The following HDC variants were observed in gnomAD, a reference collection of about 807,000 sequenced individuals.
HDC encodes histidine decarboxylase.
In HDC, 27 loss-of-function variants were observed where a neutral mutation model predicts 64.4. That is an observed-to-expected ratio of 0.42 (90% CI 0.31 to 0.58). HDC has a LOEUF of 0.58. Ranked by LOEUF, HDC falls within the 20% of genes least tolerant of loss-of-function variation. The pLI, the probability that HDC is intolerant of heterozygous loss-of-function variation, is 0.16. For synonymous variants in HDC, 305 were observed against 314.2 expected (o/e 0.97, Z 0.31); for missense variants, 711 against 833.9 (o/e 0.85, Z 1.81).
chr15:50,264,427 A>C (rs994929944), intron 1 of HDC, among the ~76,000 whole-genome samples: 1 of 151,802 alleles, frequency 6.6e-6, no homozygotes, highest in Non-Finnish European at 1.5e-5. Flanking sequence ...CTCCATCAAC[A>C]CCTCAGTGCT....
chr15:50,250,031 G>A (rs2045533701), intron 9 of HDC, among the ~76,000 whole-genome samples: 1 of 152,186 alleles, frequency 6.6e-6, no homozygotes. Flanking sequence ...TCCTTGCAGG[G>A]CTCCCTTGCC....
chr15:50,244,795 G>A (rs983524006), intron 10 of HDC: 4 of 152,276 alleles, frequency 2.6e-5, no homozygotes, highest in Admixed American at 1.3e-4. Context: ...TATTGATGCC[G>A]AACTTAGTGC....
intron 2 of HDC, among the ~76,000 whole-genome samples, chr15:50,261,999 G>A (rs753824776): frequency 4.6e-5 from 7 of 152,196 alleles, no homozygotes; most frequent in South Asian, 2.1e-4. Context: ...GTGAGCCCCC[G>A]CGCCTGGCCT....
At chr15:50,256,619 C>G (rs1376378514) in intron 4 of HDC, among the ~76,000 whole-genome samples, 1 of 152,128 alleles carries the variant, frequency 6.6e-6, no homozygotes, top group Non-Finnish European at 1.5e-5. Context: ...CTCCTGGGCT[C>G]AAGTGATCCA....
At chr15:50,264,407 C>T (rs544832180) in intron 1 of HDC, among the ~76,000 whole-genome samples, 5 of 152,256 alleles carry the variant, frequency 3.3e-5, no homozygotes, top group African/African-American at 1.2e-4. Flanking sequence ...CTTTCTCTCC[C>T]TCCTGCTGCC....
chr15:50,255,052 TC>T (rs1276500987), intron 4 of HDC, among the ~76,000 whole-genome samples: 1 of 152,090 alleles, frequency 6.6e-6, no homozygotes, highest in Non-Finnish European at 1.5e-5. Flanking sequence ...GGAGTTTGAG[TC>T]CCCAGGAAGA....
intron 2 of HDC, among the ~76,000 whole-genome samples, chr15:50,259,312 A>G (rs1254326003): frequency 2.0e-5 from 3 of 152,210 alleles, no homozygotes; most frequent in Non-Finnish European, 2.9e-5. Flanking sequence ...GAATGGGTTC[A>G]AAGCTGTCCT....
At chr15:50,257,699 T>C in intron 3 of HDC, 152 bp from the exon 4 acceptor site, 1 of 841,150 alleles carries the variant, frequency 1.2e-6, no homozygotes, top group East Asian at 2.5e-5. Flanking sequence ...CCTGGTCCAC[T>C]CTCTGTCAAC....
Position 50,257,421 on chromosome 15 carries a change from G to A in HDC, c.441+4C>T, listed in dbSNP as rs752857595. On this transcript the variant is annotated splice_donor_region_variant and intron_variant, in intron 4 of 11. Transcript: ENST00000267845. ...GCTAGGTGAAGCTTTGCCAAGGGAG[G>A]TACCTGCAGGACGCCTCCGCCCTGG... 1 of 1,614,206 alleles carries A rather than the reference G, an allele frequency of 6.2e-7. No individual in the cohort carries two copies. Among genetic ancestry groups the A allele is most frequent in the African/African-American group, 1.3e-5 (1 of 75,058 alleles).
Position 50,248,136 on chromosome 15 carries a change from C to G in HDC, c.1140+109G>C. 1.3e-6 allele frequency: 1 copy of G among 768,056 alleles called. No individual in the cohort carries two copies. The highest frequency in any genetic ancestry group is 2.3e-6 in the Non-Finnish European group (1 of 436,898). 47.6% of individuals were successfully genotyped at this position (768,056 alleles called of 1,614,324 possible). ...TGAGGAACAGGCCCAGACACCTGAA[C>G]CACACACCGCAAGTCTCCTAGGCAG... On this transcript the variant is annotated intron_variant, in intron 10 of 11. Coordinates refer to ENST00000267845, the MANE Select transcript of HDC (RefSeq NM_002112.4). The surrounding 1 kb of genome is among the most constrained non-coding windows in gnomAD (Gnocchi z 4.3).
At chr15:50,263,532 T>G in intron 1 of HDC, 125 bp from the exon 2 acceptor site, 3 of 879,784 alleles carry the variant, frequency 3.4e-6, no homozygotes, top group Non-Finnish European at 5.5e-6. Context: ...CCGGGCACAG[T>G]GGCTCATGCC....
At chr15:50,254,097 T>C (rs752103517) in intron 6 of HDC, 33 bp downstream of exon 6, 84 of 1,613,218 alleles carry the variant, frequency 5.2e-5, no homozygotes, top group Non-Finnish European at 7.0e-5. Context: ...CCAAGTTCTA[T>C]CATTCTAAGC....
In HDC at chr15:50,242,916, T is replaced by C. The variant is rs1381094649; in HGVS notation, c.1333A>G (p.Ile445Val). The C allele has an allele frequency of 6.2e-7, 1 of 1,614,176 alleles. No individual in the cohort carries two copies. The highest frequency in any genetic ancestry group is 8.5e-7 in the Non-Finnish European group (1 of 1,180,030). The change falls in exon 12 of 12, where the codon ATC (isoleucine) becomes GTC (valine). Residue 445 changes from isoleucine to valine, a missense_variant. By Grantham distance (29) the Ile-to-Val change is conservative. Transcript: ENST00000267845. The part of the protein sequence containing the change: ...LIPATIQDKL[I>V]IRFTVTSQFT... ...TGGGATGTCACAGTGAAACGGATGATTAACTTGTCCTGGATAGTGGCCGGG... is the reference window on the plus strand; with the variant it reads ...TGGGATGTCACAGTGAAACGGATGACTAACTTGTCCTGGATAGTGGCCGGG...
rs1203994271 is a variant in HDC at position 50,252,844 on chromosome 15, A to G, written c.788-70T>C. 2.7e-6 allele frequency: 4 copies of G among 1,477,124 alleles called. No homozygotes were observed. The African/African-American group carries it at 5.6e-5, about 21-fold the overall frequency. The allele number at this position is 1,477,124 out of a possible 1,614,324, so 91.5% of individuals were successfully genotyped here. On this transcript the variant is annotated intron_variant, in intron 7 of 11. Transcript: ENST00000267845. The stretch of plus-strand genomic sequence containing the variant: ...GGGAAAGATGTCTCGCACCTGGCCA[A>G]GCTGAGTGGTGGGCTGCAAGGATGA...
chr15:50,242,617 G>C lies in HDC; in HGVS notation c.1632C>G (p.Thr544=), dbSNP rs765487279. Residue 544 remains threonine (T), a synonymous_variant, in exon 12 of 12, where the codon ACC becomes ACG. Coordinates refer to ENST00000267845, the MANE Select transcript of HDC (RefSeq NM_002112.4). The part of the protein sequence containing the change: ...MKRENGLHLE[T]LLDPVDDCFS... ...AGCAGTCATCAACTGGGTCCAGCAG[G>C]GTTTCAAGATGGAGGCCATTTTCCC... The C allele has an allele frequency of 1.2e-6, 2 of 1,614,172 alleles. No homozygotes were observed. The highest frequency in any genetic ancestry group is 1.7e-6 in the Non-Finnish European group (2 of 1,180,024).
intron 1 of HDC, 137 bp downstream of exon 1, chr15:50,265,456 T>A: frequency 1.3e-6 from 1 of 766,996 alleles, no homozygotes; most frequent in Non-Finnish European, 2.3e-6. Context: ...GAAAAAAAAA[T>A]GTTGCTGGTG....
At chr15:50,247,923 C>T (rs2045503650) in intron 10 of HDC, among the ~76,000 whole-genome samples, 1 of 151,380 alleles carries the variant, frequency 6.6e-6, no homozygotes, top group South Asian at 2.1e-4. Context: ...TGGCCACACA[C>T]ACTTCCCCTT....
chr15:50,254,955 G>T (rs1399431752), intron 4 of HDC, among the ~76,000 whole-genome samples: 1 of 152,138 alleles, frequency 6.6e-6, no homozygotes, highest in Admixed American at 6.6e-5. Flanking sequence ...ACCAAAAAGA[G>T]AATGTTCTGT....
intron 7 of HDC, chr15:50,253,370 A>G: frequency 1.7e-6 from 1 of 597,582 alleles, no homozygotes; most frequent in East Asian, 2.9e-5. Context: ...GTCGCCTCCT[A>G]GGACAGGAGG....
Sources: allele counts gnomAD v4.1 joint callset (sites outside exome capture counted in the v4.1 genomes callset), GRCh38; gene constraint gnomAD v4.1.1; non-coding constraint Gnocchi (gnomAD v3.1); transcripts MANE v1.5; gene names NCBI Gene and HGNC (gene_info 2026-07-23, HGNC 2026-07-21).